The following ABI1 variants were observed in gnomAD, a reference collection of about 807,000 sequenced individuals.
ABI1 encodes abl interactor 1, also known as Abelson interactor 1.
Under a neutral mutation model 54.6 loss-of-function variants are expected in ABI1, and 14 were observed. That is an observed-to-expected ratio of 0.26 (90% confidence interval 0.17 to 0.40). The LOEUF (loss-of-function observed/expected upper bound fraction) is 0.40. Ranked by LOEUF, ABI1 falls within the 10% of genes least tolerant of loss-of-function variation. The pLI is 1.00. For missense variants in ABI1, 443 were observed against 598.3 expected, an observed-to-expected ratio of 0.74 and a Z score of 2.71; for synonymous variants, 194 against 209.3, an observed-to-expected ratio of 0.93 and a Z score of 0.63.
At chr10:26,756,328 T>C (rs577127722) in intron 8 of ABI1, among the ~76,000 whole-genome samples, 1 of 152,308 alleles carries the variant, frequency 6.6e-6, no homozygotes, top group South Asian at 2.1e-4. Context: ...AAAACTCTTG[T>C]TTGTAAAACA....
intron 2 of ABI1, among the ~76,000 whole-genome samples, chr10:26,791,257 A>G (rs1843418212): frequency 6.6e-6 from 1 of 152,054 alleles, no homozygotes; most frequent in Non-Finnish European, 1.5e-5. Flanking sequence ...AAAACCCTAA[A>G]AGCTCTCTCC....
At chr10:26,820,780 G>A (rs189173622) in intron 2 of ABI1, among the ~76,000 whole-genome samples, 2,340 of 151,544 alleles carry the variant, frequency 0.015, 52 homozygotes, top group African/African-American at 0.054. Flanking sequence ...TAGAGACAGG[G>A]TTTCACCATC....
intron 1 of ABI1, among the ~76,000 whole-genome samples, chr10:26,838,158 G>C (rs1361758218): frequency 1.3e-5 from 2 of 151,312 alleles, no homozygotes; most frequent in African/African-American, 4.9e-5. Flanking sequence ...TGAGTAGCTA[G>C]GATTACAGGT....
intron 1 of ABI1, among the ~76,000 whole-genome samples, chr10:26,853,644 T>C (rs566298170): frequency 1.9e-3 from 286 of 151,110 alleles, no homozygotes; most frequent in Non-Finnish European, 3.4e-3. Context: ...GTTCACGCCA[T>C]TCAGCCGCCT....
At chr10:26,770,481 T>G in intron 4 of ABI1, 136 bp from the exon 5 acceptor site, 2 of 933,894 alleles carry the variant, frequency 2.1e-6, no homozygotes, top group Non-Finnish European at 3.5e-6. Flanking sequence ...ACTTTGGTAC[T>G]ACAGTTTAAA....
intron 2 of ABI1, among the ~76,000 whole-genome samples, chr10:26,792,375 C>T (rs1843582816): frequency 6.6e-6 from 1 of 151,926 alleles, no homozygotes; most frequent in Admixed American, 6.6e-5. Context: ...TCATTTTTGC[C>T]AGCCATAACT....
intron 2 of ABI1, among the ~76,000 whole-genome samples, chr10:26,812,590 C>G (rs1384683354): frequency 6.6e-6 from 1 of 152,234 alleles, no homozygotes; most frequent in Non-Finnish European, 1.5e-5. Flanking sequence ...TTTGCTAGGA[C>G]TGCCATAACA....
intron 2 of ABI1, among the ~76,000 whole-genome samples, chr10:26,786,485 G>C (rs562811722): frequency 1.1e-3 from 162 of 152,028 alleles, no homozygotes; most frequent in African/African-American, 3.7e-3. Context: ...CTCCTAAAGT[G>C]CTGGGATTAC....
At chr10:26,771,441 C>T (rs1840675995) in intron 3 of ABI1, among the ~76,000 whole-genome samples, 1 of 152,118 alleles carries the variant, frequency 6.6e-6, no homozygotes, top group African/African-American at 2.4e-5. Flanking sequence ...CACCATAACA[C>T]ATTAGATGTG....
chr10:26,853,781 ATCC>A (rs1169766557), intron 1 of ABI1, among the ~76,000 whole-genome samples: 1 of 151,850 alleles, frequency 6.6e-6, no homozygotes, highest in African/African-American at 2.4e-5. Context: ...TGACCTCATG[ATCC>A]GCCCGCCTCA....
chr10:26,790,579 G>C (rs1843303398), intron 2 of ABI1: 2 of 151,904 alleles, frequency 1.3e-5, no homozygotes, highest in South Asian at 4.2e-4. Flanking sequence ...TGTCATCCTT[G>C]CACAGGGGCC....
At chr10:26,838,226 C>T (rs1032982609) in intron 1 of ABI1, among the ~76,000 whole-genome samples, 1 of 151,808 alleles carries the variant, frequency 6.6e-6, no homozygotes, top group Non-Finnish European at 1.5e-5. Context: ...GTTTCACCAT[C>T]TTGGCCAAGC....
At chr10:26,773,114 C>T (rs1840912499) in intron 3 of ABI1, among the ~76,000 whole-genome samples, 2 of 151,694 alleles carry the variant, frequency 1.3e-5, no homozygotes, top group African/African-American at 4.8e-5. Context: ...GTAATTTTAC[C>T]ATTTGCCTGG....
chr10:26,846,342 CTT>C (rs139282236), intron 1 of ABI1, among the ~76,000 whole-genome samples: 35,086 of 139,294 alleles, frequency 0.25, 4,882 homozygotes, highest in South Asian at 0.44. Context: ...TTTCTCTTTT[CTT>C]TTTTTTTTTT....
chr10:26,771,849 G>T (rs971463935), intron 3 of ABI1, among the ~76,000 whole-genome samples: 1 of 151,902 alleles, frequency 6.6e-6, no homozygotes, highest in Non-Finnish European at 1.5e-5. Flanking sequence ...GATCCTAAAG[G>T]CTACTTCTAT....
Position 26,747,006 on chromosome 10 carries a change from C to G in ABI1, c.*1564G>C, listed in dbSNP as rs1272822508. 4.4e-6 allele frequency: 1 copy of G among 228,082 alleles called. No homozygotes were observed. Among genetic ancestry groups the G allele is most frequent in the Non-Finnish European group, 8.7e-6 (1 of 114,616 alleles). 14.1% of individuals were successfully genotyped at this position (228,082 alleles called of 1,614,324 possible). On this transcript the variant is annotated 3_prime_UTR_variant, in exon 11 of 11. Coordinates refer to ENST00000376140, the MANE Select transcript of ABI1 (RefSeq NM_001012750.3). ...AAAATGGAAAGTAGAAGGTAGCTAG[C>G]TGATCACTAATGATACTTTGTTTGT...
chr10:26,822,995 C>T (rs1296676984), intron 2 of ABI1, 143 bp downstream of exon 2: 1 of 690,012 alleles, frequency 1.4e-6, no homozygotes, highest in East Asian at 3.1e-5. Flanking sequence ...AAAAGAAAAA[C>T]AGCAGGTTTA....
At chr10:26,749,547 C>T (rs1420105880) in intron 10 of ABI1, among the ~76,000 whole-genome samples, 2 of 152,152 alleles carry the variant, frequency 1.3e-5, no homozygotes, top group Non-Finnish European at 1.5e-5. Flanking sequence ...TGTCATGTGC[C>T]TGCATTTTGA....
intron 2 of ABI1, among the ~76,000 whole-genome samples, chr10:26,818,644 A>G (rs952189201): frequency 6.6e-6 from 1 of 151,608 alleles, no homozygotes; most frequent in Non-Finnish European, 1.5e-5. Flanking sequence ...AAAAAAAAAA[A>G]AAAAAGAGCA....
Sources: allele counts gnomAD v4.1 joint callset (sites outside exome capture counted in the v4.1 genomes callset), GRCh38; gene constraint gnomAD v4.1.1; transcripts MANE v1.5; gene names NCBI Gene and HGNC (gene_info 2026-07-23, HGNC 2026-07-21).